PRKN: variants seen among roughly 807,000 people sequenced by gnomAD.
PRKN encodes the protein E3 ubiquitin-protein ligase parkin.
In PRKN, 56 loss-of-function variants were observed where a neutral mutation model predicts 59.5. The observed-to-expected ratio is 0.94, with a 90% CI of 0.76 to 1.18. The LOEUF (loss-of-function observed/expected upper bound fraction) is 1.18. Ranked by LOEUF, PRKN falls within the 50% of genes most tolerant of loss-of-function variation. The probability of loss-of-function intolerance (pLI) is 0.00; values close to 1 mark genes in which losing one functional copy is unlikely to be tolerated. For missense variants in PRKN, 657 were observed against 596.4 expected (o/e 1.10, Z -1.06); for synonymous variants, 250 against 222.1 (o/e 1.13, Z -1.12).
intron 5 of PRKN, among the ~76,000 whole-genome samples, chr6:162,009,008 A>T (rs2128266754): frequency 6.6e-6 from 1 of 152,024 alleles, no homozygotes; most frequent in Admixed American, 6.5e-5. Context: ...TAATCCCAGC[A>T]CTTTGGGAGG....
intron 2 of PRKN, among the ~76,000 whole-genome samples, chr6:162,380,056 C>T (rs1001290209): frequency 7.2e-5 from 11 of 152,076 alleles, no homozygotes; most frequent in Non-Finnish European, 1.3e-4. Context: ...AAGACACCCA[C>T]TAGTATATTA....
In PRKN at chr6:161,497,899, C is replaced by T. The variant is rs1777814614; in HGVS notation, c.1083+50955G>A. On this transcript the variant is annotated intron_variant, in intron 9 of 11. Coordinates refer to ENST00000366898, the MANE Select transcript of PRKN (RefSeq NM_004562.3). This position sits in a 1 kb window ranked among gnomAD's most constrained non-coding sequence, Gnocchi z 4.6. ...GTTCCTGATGCTTTCCAATTATTTT[C>T]ACTTCAAAGAAATACTTTAATATAT... is the stretch of plus-strand genomic sequence containing the variant. Among the ~76,000 whole-genome samples the T allele has an allele frequency of 2.0e-5, 3 of 152,174 alleles. No individual in the cohort carries two copies. The highest frequency in any genetic ancestry group is 2.0e-4 in the Admixed American group (3 of 15,280).
At chr6:162,285,588 T>C (rs1450277543) in intron 2 of PRKN, among the ~76,000 whole-genome samples, 1 of 152,180 alleles carries the variant, frequency 6.6e-6, no homozygotes, top group Non-Finnish European at 1.5e-5. Flanking sequence ...CAGTAATAAC[T>C]CTCAAGAACT....
chr6:161,922,093 A>G (rs1424432436), intron 6 of PRKN, among the ~76,000 whole-genome samples: 1 of 152,200 alleles, frequency 6.6e-6, no homozygotes, highest in East Asian at 1.9e-4. Context: ...GTTACATACA[A>G]TAAGGCAAGT....
At chr6:161,819,004 T>C (rs1791907851) in intron 6 of PRKN, among the ~76,000 whole-genome samples, 1 of 152,208 alleles carries the variant, frequency 6.6e-6, no homozygotes, top group Non-Finnish European at 1.5e-5. Flanking sequence ...TGCATGAATG[T>C]TTCAATACCC....
intron 6 of PRKN, among the ~76,000 whole-genome samples, chr6:161,835,545 C>A (rs913149104): frequency 6.6e-6 from 1 of 152,314 alleles, no homozygotes. Flanking sequence ...GATGTAAGGC[C>A]CGAGACACTG....
At chr6:162,169,638 T>C (rs1783167076) in intron 4 of PRKN, among the ~76,000 whole-genome samples, 1 of 152,224 alleles carries the variant, frequency 6.6e-6, no homozygotes, top group Non-Finnish European at 1.5e-5. Context: ...TGAATATTTT[T>C]AATTGTGTAT....
chr6:162,704,774 C>T (rs1052199457), intron 1 of PRKN, among the ~76,000 whole-genome samples: 4 of 152,060 alleles, frequency 2.6e-5, no homozygotes, highest in African/African-American at 9.7e-5. Flanking sequence ...CTAGATGGGT[C>T]CGGTGGGCTC....
rs531828802 is a variant in PRKN, at chr6:161,527,907, G to A, written c.1083+20947C>T. 3.9e-4 allele frequency among the ~76,000 whole-genome samples: 59 copies of A among 152,232 alleles called. No homozygotes were observed. The highest frequency in any genetic ancestry group is 1.4e-3 in the African/African-American group (58 of 41,542). On this transcript the variant is annotated intron_variant, in intron 9 of 11. Transcript: ENST00000366898. The surrounding 1 kb of genome is among the most constrained non-coding windows in gnomAD (Gnocchi z 4.6). ...CAGCTCAGTTTACCCCAAGGCCACA[G>A]GCATTACTGCCTCCTTTAACACAGC...
intron 2 of PRKN, among the ~76,000 whole-genome samples, chr6:162,340,613 G>C (rs1262349946): frequency 6.6e-6 from 1 of 152,120 alleles, no homozygotes; most frequent in African/African-American, 2.4e-5. Context: ...AGAGGACTCA[G>C]AAATAACACC....
At chr6:161,846,084 C>T (rs1190808265) in intron 6 of PRKN, among the ~76,000 whole-genome samples, 1 of 152,122 alleles carries the variant, frequency 6.6e-6, no homozygotes, top group East Asian at 1.9e-4. Flanking sequence ...AAATAGGCTC[C>T]AAGGCTGTTA....
At chr6:162,432,523 TAAAA>T (rs1295875579) in intron 2 of PRKN, among the ~76,000 whole-genome samples, 1 of 145,908 alleles carries the variant, frequency 6.9e-6, no homozygotes, top group Non-Finnish European at 1.5e-5. Context: ...AGACACCGTC[TAAAA>T]CAAACAAACA....
In PRKN at chr6:161,549,118, ATGTGTG is replaced by A. The variant is rs59889520; in HGVS notation, c.934-121_934-116del. ...TTAACCAGTTTCAGTAAAATAATGC[ATGTGTG>A]TGTGTGTGTGTGTGTGTAGGGGGAG... On this transcript the variant is annotated intron_variant, in intron 8 of 11. Transcript: ENST00000366898. This position sits in a 1 kb window ranked among gnomAD's most constrained non-coding sequence, Gnocchi z 6.0. 0.23 allele frequency: 192,643 copies of A among 854,958 alleles called. 18,363 individuals are homozygous for A. The highest frequency in any genetic ancestry group is 0.3 in the Middle Eastern group (1,285 of 4,258). 53.0% of individuals were successfully genotyped at this position (854,958 alleles called of 1,614,324 possible).
chr6:161,808,995 A>G (rs918889024), intron 6 of PRKN, among the ~76,000 whole-genome samples: 1 of 152,020 alleles, frequency 6.6e-6, no homozygotes, highest in Non-Finnish European at 1.5e-5. Context: ...CATGCACCAC[A>G]ATGCCTGGGT....
chr6:162,375,713 T>G (rs1786026530), intron 2 of PRKN, among the ~76,000 whole-genome samples: 1 of 150,270 alleles, frequency 6.7e-6, no homozygotes, highest in Non-Finnish European at 1.5e-5. Context: ...CAAGAAAGAC[T>G]CTGCCAATCT....
intron 4 of PRKN, among the ~76,000 whole-genome samples, chr6:162,131,243 T>A (rs777801843): frequency 3.9e-5 from 6 of 152,182 alleles, no homozygotes; most frequent in Non-Finnish European, 5.9e-5. Context: ...TGACACCCTC[T>A]AAACAGGAGC....
chr6:161,797,039 T>G (rs1790878303), intron 6 of PRKN, among the ~76,000 whole-genome samples: 1 of 152,190 alleles, frequency 6.6e-6, no homozygotes, highest in South Asian at 2.1e-4. Context: ...ACAGGAAGAA[T>G]TAATGTGCTA....
intron 3 of PRKN, among the ~76,000 whole-genome samples, chr6:162,233,969 G>C (rs1562600413): frequency 6.6e-6 from 1 of 152,180 alleles, no homozygotes; most frequent in Non-Finnish European, 1.5e-5. Flanking sequence ...AGATTATCCA[G>C]ACTGTGGTAT....
At chr6:162,093,256 T>C (rs2128296842) in intron 4 of PRKN, among the ~76,000 whole-genome samples, 1 of 152,306 alleles carries the variant, frequency 6.6e-6, no homozygotes, top group Middle Eastern at 3.4e-3. Flanking sequence ...GCCTTTGTAC[T>C]GTGAAACAGA....
Sources: allele counts gnomAD v4.1 joint callset (sites outside exome capture counted in the v4.1 genomes callset), GRCh38; gene constraint gnomAD v4.1.1; non-coding constraint Gnocchi (gnomAD v3.1); transcripts MANE v1.5; gene names NCBI Gene and HGNC (gene_info 2026-07-23, HGNC 2026-07-21).